Variants in ANO6 observed in about 807,000 individuals in gnomAD.
ANO6 encodes anoctamin 6.
Under a neutral mutation model 117.5 loss-of-function variants are expected in ANO6, and 106 were observed. The ratio of observed to expected loss-of-function variants is 0.90; its 90% CI spans 0.77 to 1.06. The LOEUF (loss-of-function observed/expected upper bound fraction) is 1.06, where lower values mean the gene tolerates loss of function less well. Ranked by LOEUF, ANO6 falls within the 50% of genes least tolerant of loss-of-function variation. The pLI, the probability that ANO6 is intolerant of heterozygous loss-of-function variation, is 0.00. For synonymous variants in ANO6, 367 were observed against 385.1 expected (o/e 0.95, Z 0.55); for missense variants, 955 against 1,121.1 (o/e 0.85, Z 2.12).
intron 9 of ANO6, among the ~76,000 whole-genome samples, chr12:45,376,076 A>G (rs1481537721): frequency 1.4e-5 from 2 of 144,796 alleles, no homozygotes; most frequent in Non-Finnish European, 3.1e-5. Context: ...GAAGACATTT[A>G]TGCAGCCAAA....
At chr12:45,340,902 A>G (rs1215035811) in intron 3 of ANO6, among the ~76,000 whole-genome samples, 1 of 152,210 alleles carries the variant, frequency 6.6e-6, no homozygotes, top group East Asian at 1.9e-4. Flanking sequence ...TATAGCACAT[A>G]TGCTAATTTA....
intron 17 of ANO6, among the ~76,000 whole-genome samples, chr12:45,420,054 TCTA>T (rs887118753): frequency 5.3e-5 from 8 of 151,430 alleles, no homozygotes; most frequent in African/African-American, 1.5e-4. Flanking sequence ...CCAATATAAT[TCTA>T]CTACCCAAAT....
chr12:45,393,690 T>C (rs1265717871), intron 12 of ANO6, among the ~76,000 whole-genome samples: 2 of 152,150 alleles, frequency 1.3e-5, no homozygotes, highest in South Asian at 4.1e-4. Flanking sequence ...GGGCCAATAT[T>C]CAACATTCTT....
intron 1 of ANO6, among the ~76,000 whole-genome samples, chr12:45,251,357 A>G (rs1278759679): frequency 2.0e-5 from 3 of 152,222 alleles, no homozygotes; most frequent in African/African-American, 7.2e-5. Flanking sequence ...AATTAAGGCA[A>G]CAGCCATTTT....
At chr12:45,427,851 A>ATT (rs1592056336) in intron 19 of ANO6, among the ~76,000 whole-genome samples, 1 of 150,630 alleles carries the variant, frequency 6.6e-6, no homozygotes, top group East Asian at 2.0e-4. Context: ...AGGCAGGAGA[A>ATT]TCGCTTGAAC....
intron 1 of ANO6, among the ~76,000 whole-genome samples, chr12:45,285,796 G>T (rs1015502975): frequency 6.6e-6 from 1 of 152,160 alleles, no homozygotes; most frequent in African/African-American, 2.4e-5. Context: ...GCATCAATGG[G>T]ATGGTCTGGA....
At chr12:45,419,607 C>T (rs1943305021) in intron 17 of ANO6, among the ~76,000 whole-genome samples, 1 of 152,156 alleles carries the variant, frequency 6.6e-6, no homozygotes, top group African/African-American at 2.4e-5. Context: ...TGTGGTCTCA[C>T]TATGCCTAAA....
intron 1 of ANO6, chr12:45,256,422 A>G (rs769088727): frequency 1.3e-5 from 2 of 152,124 alleles, no homozygotes; most frequent in Non-Finnish European, 2.9e-5. Context: ...AGTGTTTTCC[A>G]TTTATTTGAT....
At chr12:45,409,316 G>A in intron 15 of ANO6, 41 bp from the exon 16 acceptor site, 1 of 1,611,114 alleles carries the variant, frequency 6.2e-7, no homozygotes, top group South Asian at 1.1e-5. Flanking sequence ...ACCTTGGCCT[G>A]ATAATATTCG....
intron 1 of ANO6, among the ~76,000 whole-genome samples, chr12:45,285,817 T>C (rs1368052011): frequency 6.6e-6 from 1 of 152,030 alleles, no homozygotes; most frequent in East Asian, 1.9e-4. Flanking sequence ...GAGGAGGTCA[T>C]TGTGAGTGTT....
Position 45,357,407 on chromosome 12 carries a change from A to C in ANO6, c.981A>C (p.Gln327His). The C allele has an allele frequency of 6.2e-7, 1 of 1,613,750 alleles. No individual in the cohort carries two copies. The highest frequency in any genetic ancestry group is 1.1e-5 in the South Asian group (1 of 91,056). ...GCTTTCTCTATGGATATCTTAATCAAGATAACTGTACATGGAGGTAACCTC... is the reference window on the plus strand; with the variant it reads ...GCTTTCTCTATGGATATCTTAATCACGATAACTGTACATGGAGGTAACCTC... ...VACFLYGYLNQDNCTWSKEVC... is the reference protein window; with the variant it reads ...VACFLYGYLNHDNCTWSKEVC... The change falls in exon 8 of 20, where the codon CAA becomes CAC. Residue 327 changes from glutamine (Q) to histidine (H), a missense_variant. Gln to His is a conservative substitution (Grantham distance 24, BLOSUM62 0). Coordinates refer to ENST00000320560, the MANE Select transcript of ANO6 (RefSeq NM_001025356.3).
At chr12:45,276,884 G>A (rs1016920090) in intron 1 of ANO6, among the ~76,000 whole-genome samples, 4 of 152,104 alleles carry the variant, frequency 2.6e-5, no homozygotes, top group African/African-American at 9.7e-5. Context: ...TACATAATTA[G>A]TTAGAATGTT....
At chr12:45,365,679 C>A (rs1941666750) in intron 8 of ANO6, among the ~76,000 whole-genome samples, 1 of 152,146 alleles carries the variant, frequency 6.6e-6, no homozygotes, top group South Asian at 2.1e-4. Context: ...TCTATAGTTA[C>A]AAGGCTGTTG....
At chr12:45,255,823 T>TTTTTTTTTTTTG (rs1937801496) in intron 1 of ANO6, among the ~76,000 whole-genome samples, 1 of 145,490 alleles carries the variant, frequency 6.9e-6, no homozygotes, top group Admixed American at 6.8e-5. Flanking sequence ...TGGGTGTTTT[T>TTTTTTTTTTTTG]TTTTTTTTTT....
At chr12:45,384,675 A>C (rs576137269) in intron 10 of ANO6, among the ~76,000 whole-genome samples, 2 of 152,324 alleles carry the variant, frequency 1.3e-5, no homozygotes, top group Admixed American at 6.5e-5. Context: ...GGTGGACTTC[A>C]TGTTGCCCCA....
At chr12:45,313,648 A>G (rs1939918611) in intron 2 of ANO6, 1 of 151,982 alleles carries the variant, frequency 6.6e-6, no homozygotes, top group Non-Finnish European at 1.5e-5. Flanking sequence ...AAGAGCAGGC[A>G]AGAGCTTTGA....
Position 45,403,538 on chromosome 12 carries a change from T to C in ANO6, c.1880+2T>C. ...TAACATACAAGAAGTATTATTGCCGTGAGTGTTAAATTGTATAGCCATGGG... is the reference window on the plus strand; with the variant it reads ...TAACATACAAGAAGTATTATTGCCGCGAGTGTTAAATTGTATAGCCATGGG... On this transcript the variant is annotated splice_donor_variant, in intron 15 of 19. Coordinates refer to ENST00000320560, the MANE Select transcript of ANO6 (RefSeq NM_001025356.3). LOFTEE classifies it high-confidence loss of function. 1 of 1,606,924 alleles carries C rather than the reference T, an allele frequency of 6.2e-7. No individual in the cohort carries two copies. Among genetic ancestry groups the C allele is most frequent in the Non-Finnish European group, 8.5e-7 (1 of 1,173,776 alleles).
intron 1 of ANO6, among the ~76,000 whole-genome samples, chr12:45,234,536 A>G (rs908014174): frequency 2.0e-5 from 3 of 152,214 alleles, no homozygotes; most frequent in Non-Finnish European, 2.9e-5. Context: ...GGTGCAGGAT[A>G]TTAGATTCCA....
intron 1 of ANO6, among the ~76,000 whole-genome samples, chr12:45,290,762 AT>A (rs1592923121): frequency 6.6e-6 from 1 of 152,216 alleles, no homozygotes; most frequent in Non-Finnish European, 1.5e-5. Context: ...TGTTTATTAA[AT>A]GCTAAAAGTT....
Sources: allele counts gnomAD v4.1 joint callset (sites outside exome capture counted in the v4.1 genomes callset), GRCh38; gene constraint gnomAD v4.1.1; transcripts MANE v1.5; gene names NCBI Gene and HGNC (gene_info 2026-07-23, HGNC 2026-07-21).